Variants in CCDC6 observed in about 807,000 individuals in gnomAD.
CCDC6 encodes the protein coiled-coil domain containing 6.
CCDC6 carries 20 observed loss-of-function variants against 56.6 expected under a neutral mutation model. The ratio of observed to expected loss-of-function variants is 0.35; its 90% CI spans 0.25 to 0.51. The LOEUF is 0.51. CCDC6 is among the 20% of genes least tolerant of loss of function. The pLI is 0.95. For missense variants in CCDC6, 367 were observed against 601.1 expected, an observed-to-expected ratio of 0.61 and a Z score of 4.07; for synonymous variants, 241 against 234.4, an observed-to-expected ratio of 1.03 and a Z score of -0.26.
intron 2 of CCDC6, among the ~76,000 whole-genome samples, chr10:59,846,794 C>A (rs556041321): frequency 2.6e-5 from 4 of 152,064 alleles, no homozygotes; most frequent in East Asian, 1.9e-4. Context: ...CTCTTCCTAC[C>A]CCAGTTGTAA....
Position 59,789,601 on chromosome 10 carries a change from T to C in CCDC6, c.*3316A>G, listed in dbSNP as rs1054135436. ...ACAATTTGGAAATAAAAGGTTGTTT[T>C]ACTATGTATTTCTTTGGTAGTCATC... On this transcript the variant is annotated 3_prime_UTR_variant, in exon 9 of 9. Transcript: ENST00000263102. 6 of 230,714 alleles carry C rather than the reference T, an allele frequency of 2.6e-5. No homozygotes were observed. Among genetic ancestry groups the C allele is most frequent in the African/African-American group, 1.3e-4 (6 of 45,194 alleles). 14.3% of individuals were successfully genotyped at this position (230,714 alleles called of 1,614,324 possible). A position where few individuals can be genotyped will look rare whatever the true frequency, so the allele number is the denominator to read the frequency against.
chr10:59,813,643 C>G (rs905905272), intron 4 of CCDC6, among the ~76,000 whole-genome samples: 5 of 152,296 alleles, frequency 3.3e-5, no homozygotes, highest in Admixed American at 2.0e-4. Flanking sequence ...TTACCTCCAT[C>G]CAGGTCTACC....
intron 3 of CCDC6, among the ~76,000 whole-genome samples, chr10:59,831,667 T>C (rs184806169): frequency 3.3e-5 from 5 of 152,322 alleles, no homozygotes; most frequent in Admixed American, 3.3e-4. Flanking sequence ...ATCAGCCTCT[T>C]ATAACTTAAG....
intron 1 of CCDC6, among the ~76,000 whole-genome samples, chr10:59,867,548 A>G (rs1174364833): frequency 2.0e-5 from 3 of 152,054 alleles, no homozygotes; most frequent in Non-Finnish European, 4.4e-5. Flanking sequence ...TTTTCAACCA[A>G]TTGCCAATCA....
chr10:59,823,407 T>C (rs1453479442), intron 3 of CCDC6, among the ~76,000 whole-genome samples: 1 of 152,132 alleles, frequency 6.6e-6, no homozygotes, highest in African/African-American at 2.4e-5. Flanking sequence ...TGCCAGTACC[T>C]AAGCAGCCAG....
intron 1 of CCDC6, among the ~76,000 whole-genome samples, chr10:59,897,498 G>A (rs1326858770): frequency 2.6e-5 from 4 of 152,004 alleles, no homozygotes; most frequent in Non-Finnish European, 4.4e-5. Flanking sequence ...CAGGTGATCC[G>A]CCTGCCTCGG....
At chr10:59,853,889 T>C (rs1266383353) in intron 1 of CCDC6, among the ~76,000 whole-genome samples, 1 of 152,208 alleles carries the variant, frequency 6.6e-6, no homozygotes, top group Non-Finnish European at 1.5e-5. Flanking sequence ...TTTAATAGAT[T>C]AGGCTTATTA....
intron 2 of CCDC6, among the ~76,000 whole-genome samples, chr10:59,841,655 G>A (rs921083813): frequency 3.3e-5 from 5 of 151,450 alleles, no homozygotes; most frequent in African/African-American, 9.7e-5. Context: ...GCAGGCATCC[G>A]TGTCTTGTTT....
At position 59,792,817 on chromosome 10, in the gene CCDC6, A is replaced by G; in HGVS notation, c.*100T>C. On this transcript the variant is annotated 3_prime_UTR_variant, in exon 9 of 9. Coordinates refer to ENST00000263102, the MANE Select transcript of CCDC6 (RefSeq NM_005436.5). ...TGAAGCCTAGATAACCTCAGTGCAA[A>G]TAAGTCATATCCAAATATGCCAGAG... is the stretch of plus-strand genomic sequence containing the variant. 8.3e-7 allele frequency: 1 copy of G among 1,204,338 alleles called. No homozygotes were observed. The highest frequency in any genetic ancestry group is 1.2e-6 in the Non-Finnish European group (1 of 808,406). 74.6% of individuals were successfully genotyped at this position (1,204,338 alleles called of 1,614,324 possible).
intron 1 of CCDC6, among the ~76,000 whole-genome samples, chr10:59,889,001 C>T (rs771729813): frequency 6.6e-6 from 1 of 151,938 alleles, no homozygotes; most frequent in Non-Finnish European, 1.5e-5. Context: ...TTTCTCCTCC[C>T]AGGGTATCAA....
At chr10:59,851,792 GCTCA>G (rs1436982749) in intron 2 of CCDC6, among the ~76,000 whole-genome samples, 1 of 152,060 alleles carries the variant, frequency 6.6e-6, no homozygotes, top group African/African-American at 2.4e-5. Flanking sequence ...TTTTATACCT[GCTCA>G]CTATTTTGGA....
chr10:59,793,180 G>T, intron 8 of CCDC6, 69 bp from the exon 9 acceptor site: 2 of 1,308,424 alleles, frequency 1.5e-6, no homozygotes, highest in South Asian at 1.3e-5. Flanking sequence ...AACACAGCCT[G>T]ACTTGGCACT....
At chr10:59,827,991 G>A (rs182253177) in intron 3 of CCDC6, among the ~76,000 whole-genome samples, 2 of 152,324 alleles carry the variant, frequency 1.3e-5, no homozygotes, top group East Asian at 3.9e-4. Context: ...TTTCAGAGCA[G>A]AGTACACAAA....
At chr10:59,888,192 C>G (rs1395354472) in intron 1 of CCDC6, among the ~76,000 whole-genome samples, 4 of 152,226 alleles carry the variant, frequency 2.6e-5, no homozygotes, top group Non-Finnish European at 5.9e-5. Context: ...TGGCTTCACA[C>G]ATAGCACCGC....
intron 3 of CCDC6, among the ~76,000 whole-genome samples, chr10:59,819,258 T>G (rs2070733192): frequency 1.3e-5 from 2 of 152,218 alleles, no homozygotes; most frequent in African/African-American, 4.8e-5. Flanking sequence ...CAATGTTAAG[T>G]GAGGACTTAC....
rs1040776804 is a variant in CCDC6, at chr10:59,903,192, G to A, written c.303+2930C>T. On this transcript the variant is annotated intron_variant, in intron 1 of 8. Transcript: ENST00000263102. ...TGAACAGAGCGTGGAAGACTTCCAG[G>A]GCAGAAAAACTCTGCGTAATACTAT... Among the ~76,000 whole-genome samples, 9 of 152,192 alleles carry A rather than the reference G, an allele frequency of 5.9e-5. No individual in the cohort carries two copies. In the East Asian group the frequency reaches 1.7e-3, roughly 29 times the overall value.
At chr10:59,832,133 G>GT (rs1163105662) in intron 3 of CCDC6, among the ~76,000 whole-genome samples, 1 of 152,190 alleles carries the variant, frequency 6.6e-6, no homozygotes, top group East Asian at 1.9e-4. Flanking sequence ...AGAGGAAAAT[G>GT]TTAATTGTTT....
chr10:59,903,610 T>C (rs1272519578), intron 1 of CCDC6, among the ~76,000 whole-genome samples: 1 of 152,130 alleles, frequency 6.6e-6, no homozygotes, highest in African/African-American at 2.4e-5. Flanking sequence ...TGAACGTTAA[T>C]ATCATAATTA....
Position 59,865,491 on chromosome 10 carries a change from A to G in CCDC6, c.304-12789T>C, listed in dbSNP as rs1052901799. 9.2e-5 allele frequency among the ~76,000 whole-genome samples: 14 copies of G among 152,202 alleles called. No homozygotes were observed. In the South Asian group the frequency reaches 2.9e-3, roughly 32 times the overall value. On this transcript the variant is annotated intron_variant, in intron 1 of 8. Transcript: ENST00000263102. ...ACAACAAAACAAAATAAAAATCCAA[A>G]CAAAGAATAAAACCCACTGGCAGTT...
Sources: gnomAD v4.1 joint callset for allele counts (sites outside exome capture counted in the v4.1 genomes callset) on GRCh38, gnomAD v4.1.1 for gene constraint, MANE v1.5 for transcripts, NCBI Gene and HGNC (gene_info 2026-07-23, HGNC 2026-07-21) for gene names.